COL4A6: variants seen among roughly 807,000 people sequenced by gnomAD.
The protein encoded by COL4A6 is collagen type IV alpha 6 chain, also known as collagen alpha-6(IV) chain.
Under a neutral mutation model 126.7 loss-of-function variants are expected in COL4A6, and 59 were observed. The observed-to-expected ratio is 0.47, with a 90% confidence interval of 0.38 to 0.58. The LOEUF (loss-of-function observed/expected upper bound fraction) is 0.58, where lower values mean the gene tolerates loss of function less well. COL4A6 is among the 20% of genes least tolerant of loss of function. The pLI is 0.00. For synonymous variants in COL4A6, 547 were observed against 496.6 expected (o/e 1.10, Z -1.35); for missense variants, 1,285 against 1,337.3 (o/e 0.96, Z 0.61).
At chrX:108,346,069 G>A (rs1331566489) in intron 2 of COL4A6, among the ~76,000 whole-genome samples, 1 of 111,135 alleles carries the variant, frequency 9.0e-6, no homozygotes, top group East Asian at 2.8e-4. Flanking sequence ...CCCACACACC[G>A]TGGCACCAAC....
At chrX:108,283,555 T>G (rs1260368933) in intron 3 of COL4A6, among the ~76,000 whole-genome samples, 25 of 95,421 alleles carry the variant, frequency 2.6e-4, no homozygotes, top group African/African-American at 7.9e-4. Flanking sequence ...CATTCTCCTT[T>G]GGCCAGAGGG....
chrX:108,371,442 A>G (rs2040322319), intron 2 of COL4A6, among the ~76,000 whole-genome samples: 1 of 109,816 alleles, frequency 9.1e-6, no homozygotes. Context: ...ATATATTAGA[A>G]CTTATATATG....
intron 3 of COL4A6, among the ~76,000 whole-genome samples, chrX:108,266,144 A>C (rs569403869): frequency 7.2e-5 from 8 of 111,594 alleles, no homozygotes; most frequent in African/African-American, 2.6e-4. Flanking sequence ...CTTGAAGTGA[A>C]CTTGGCTTAA....
chrX:108,256,887 A>T (rs1415762261), intron 3 of COL4A6, among the ~76,000 whole-genome samples: 1 of 111,794 alleles, frequency 8.9e-6, no homozygotes, highest in Non-Finnish European at 1.9e-5. Flanking sequence ...AATAATTTGG[A>T]TGTCAAATTG....
At chrX:108,301,939 A>G (rs758156926) in intron 3 of COL4A6, among the ~76,000 whole-genome samples, 3 of 111,868 alleles carry the variant, frequency 2.7e-5, no homozygotes, top group East Asian at 2.8e-4. Context: ...TGACTATGCT[A>G]TAAGGAAAGA....
intron 2 of COL4A6, among the ~76,000 whole-genome samples, chrX:108,367,439 A>C (rs1203656406): frequency 5.4e-5 from 6 of 111,709 alleles, no homozygotes; most frequent in African/African-American, 2.0e-4. Flanking sequence ...TACCTGCAGA[A>C]CATACCCTCG....
intron 3 of COL4A6, among the ~76,000 whole-genome samples, chrX:108,296,985 T>C (rs762636278): frequency 1.8e-5 from 2 of 112,296 alleles, no homozygotes; most frequent in East Asian, 2.8e-4. Context: ...GAGATTACCA[T>C]TGTAATTAAC....
intron 2 of COL4A6, among the ~76,000 whole-genome samples, chrX:108,406,428 A>G (rs188249261): frequency 1.8e-5 from 2 of 112,319 alleles, no homozygotes. Flanking sequence ...CTAGTAGATC[A>G]CTATCACTTA....
chrX:108,222,618 A>C (rs2036049668), intron 3 of COL4A6, among the ~76,000 whole-genome samples: 2 of 111,710 alleles, frequency 1.8e-5, no homozygotes, highest in Admixed American at 1.9e-4. Flanking sequence ...CGACCCTTGC[A>C]AGGAAGTAAA....
chrX:108,155,660 G>A lies in COL4A6; in HGVS notation c.*1340C>T, dbSNP rs1306536905. On this transcript the variant is annotated 3_prime_UTR_variant, in exon 45 of 45. Transcript: ENST00000334504. ...TTGCTATGTACAAAACTGACACCAT[G>A]CTTATTACTCAGGAGGTAAAGATAA... 8.9e-6 allele frequency: 1 copy of A among 111,986 alleles called. No homozygotes were observed. The highest frequency in any genetic ancestry group is 3.2e-5 in the African/African-American group (1 of 30,792). 9.2% of individuals were successfully genotyped at this position (111,986 alleles called of 1,213,427 possible).
At chrX:108,286,500 A>G (rs2038010637) in intron 3 of COL4A6, among the ~76,000 whole-genome samples, 1 of 112,104 alleles carries the variant, frequency 8.9e-6, no homozygotes, top group Non-Finnish European at 1.9e-5. Context: ...ACAATTCTTG[A>G]TCTCACTTTT....
rs372811674 is a variant in COL4A6, at chrX:108,187,130, T to A, written c.1917A>T (p.Gly639=). ...RGLPGDKGKD[G]LPGQQGLPGS... ...CGGGAAGGCCTTGTTGTCCCGGTAA[T>A]CCATCCTTGCCTTTATCTCCAGGAA... Residue 639 remains glycine (G), a synonymous_variant, in exon 23 of 45, where the codon GGA becomes GGT. Transcript: ENST00000334504. The A allele has an allele frequency of 6.1e-5, 72 of 1,174,646 alleles. No homozygotes were observed. Among genetic ancestry groups the A allele is most frequent in the Non-Finnish European group, 7.6e-5 (66 of 873,804 alleles).
chrX:108,198,705 G>C (rs747087474), intron 13 of COL4A6, among the ~76,000 whole-genome samples: 4 of 110,868 alleles, frequency 3.6e-5, no homozygotes, highest in Non-Finnish European at 7.6e-5. Flanking sequence ...AGCCTCAATG[G>C]GGCTAGGTTA....
At chrX:108,209,917 A>G (rs1372767546) in intron 8 of COL4A6, 52 bp downstream of exon 8, 2 of 1,174,915 alleles carry the variant, frequency 1.7e-6, no homozygotes, top group Admixed American at 2.3e-5. Flanking sequence ...AAAATGCACC[A>G]TTAGTGATTT....
Position 108,296,742 on chromosome X carries a change from A to C in COL4A6, c.144+14006T>G, listed in dbSNP as rs1027540290. Among the ~76,000 whole-genome samples the C allele has an allele frequency of 7.1e-5, 8 of 112,049 alleles. No individual in the cohort carries two copies. The Admixed American group carries it at 7.6e-4, about 11-fold the overall frequency. ...TGTGTGCTAAGCACTTTAAACAATT[A>C]TCTCTTTTAATCTTCATAGTAAATA... On this transcript the variant is annotated intron_variant, in intron 3 of 44. Coordinates refer to ENST00000334504, the MANE Select transcript of COL4A6 (RefSeq NM_033641.4).
intron 23 of COL4A6, 138 bp downstream of exon 23, chrX:108,186,958 C>A: frequency 2.0e-6 from 1 of 495,549 alleles, no homozygotes; most frequent in Non-Finnish European, 3.1e-6. Context: ...TTTTCACATG[C>A]AAATCCTTCA....
intron 13 of COL4A6, among the ~76,000 whole-genome samples, chrX:108,199,304 C>T (rs139467458): frequency 1.4e-3 from 160 of 111,184 alleles, no homozygotes; most frequent in African/African-American, 4.9e-3. Flanking sequence ...CACATTTCCT[C>T]TGAAAAGCCC....
intron 3 of COL4A6, among the ~76,000 whole-genome samples, chrX:108,270,941 C>T (rs1334999143): frequency 5.4e-5 from 6 of 111,667 alleles, no homozygotes; most frequent in Non-Finnish European, 1.1e-4. Flanking sequence ...AGTTCCTGTT[C>T]AGGCACTTGA....
chrX:108,347,357 C>T (rs1169259868), intron 2 of COL4A6, among the ~76,000 whole-genome samples: 2 of 112,449 alleles, frequency 1.8e-5, no homozygotes, highest in Admixed American at 1.9e-4. Flanking sequence ...TCCTCATTAA[C>T]ATTTTAATAA....
Sources: gnomAD v4.1 joint callset for allele counts (sites outside exome capture counted in the v4.1 genomes callset) on GRCh38, gnomAD v4.1.1 for gene constraint, MANE v1.5 for transcripts, NCBI Gene and HGNC (gene_info 2026-07-23, HGNC 2026-07-21) for gene names.